Variants in AKAP6 observed in about 807,000 individuals in gnomAD.
AKAP6 encodes the protein A-kinase anchor protein 6.
AKAP6 carries 58 observed loss-of-function variants against 188.5 expected under a neutral mutation model. That is an observed-to-expected ratio of 0.31 (90% CI 0.25 to 0.38). The LOEUF (loss-of-function observed/expected upper bound fraction) is 0.38, where lower values mean the gene tolerates loss of function less well. Ranked by LOEUF, AKAP6 falls within the 10% of genes least tolerant of loss-of-function variation. The probability of loss-of-function intolerance (pLI) is 1.00; values close to 1 mark genes in which losing one functional copy is unlikely to be tolerated. For synonymous variants in AKAP6, 989 were observed against 998.6 expected (o/e 0.99, Z 0.18); for missense variants, 2,710 against 2,740.0 (o/e 0.99, Z 0.24).
At chr14:32,559,025 T>C (rs1236549512) in intron 4 of AKAP6, among the ~76,000 whole-genome samples, 18 of 152,162 alleles carry the variant, frequency 1.2e-4, no homozygotes, top group Admixed American at 1.1e-3. Context: ...AAGGTGAATG[T>C]GAAGTTAGAA....
At chr14:32,675,181 C>T (rs1230624036) in intron 7 of AKAP6, among the ~76,000 whole-genome samples, 4 of 152,080 alleles carry the variant, frequency 2.6e-5, no homozygotes, top group Non-Finnish European at 1.5e-5. Context: ...CATATAAATC[C>T]AGCCGATTTC....
intron 5 of AKAP6, among the ~76,000 whole-genome samples, chr14:32,597,243 T>C (rs1369052684): frequency 6.6e-6 from 1 of 152,196 alleles, no homozygotes; most frequent in Non-Finnish European, 1.5e-5. Context: ...GACATAGACA[T>C]CATGCACCTC....
intron 4 of AKAP6, among the ~76,000 whole-genome samples, chr14:32,550,904 C>G (rs1883431592): frequency 6.6e-6 from 1 of 152,204 alleles, no homozygotes; most frequent in African/African-American, 2.4e-5. Flanking sequence ...TAACTGGTCT[C>G]TCTGCTTCTA....
chr14:32,653,114 A>C (rs1033080021), intron 7 of AKAP6, among the ~76,000 whole-genome samples: 1 of 152,160 alleles, frequency 6.6e-6, no homozygotes, highest in Non-Finnish European at 1.5e-5. Context: ...ACAACTTTGC[A>C]TGTCATAACA....
At chr14:32,697,118 CTTCT>C (rs1437705956) in intron 9 of AKAP6, among the ~76,000 whole-genome samples, 1 of 151,972 alleles carries the variant, frequency 6.6e-6, no homozygotes, top group Non-Finnish European at 1.5e-5. Flanking sequence ...TAAAAGTTGC[CTTCT>C]TTCTTCTTCA....
At chr14:32,531,890 G>A in intron 2 of AKAP6, among the ~76,000 whole-genome samples, 1 of 152,268 alleles carries the variant, frequency 6.6e-6, no homozygotes, top group Non-Finnish European at 1.5e-5. Context: ...ACACATTGAA[G>A]GACCACTTAC....
chr14:32,731,893 A>G (rs1193711638), intron 9 of AKAP6, among the ~76,000 whole-genome samples: 5 of 152,118 alleles, frequency 3.3e-5, no homozygotes, highest in East Asian at 1.9e-4. Flanking sequence ...ACAGTAATCA[A>G]TAAAGAAGCA....
At chr14:32,735,546 C>CTGTGGG in intron 10 of AKAP6, 112 bp from the exon 11 acceptor site, 1 of 760,962 alleles carries the variant, frequency 1.3e-6, no homozygotes, top group Non-Finnish European at 2.1e-6. Flanking sequence ...ACCAACAAAA[C>CTGTGGG]TGTGGTGTGT....
At chr14:32,603,136 A>T (rs1242338188) in intron 7 of AKAP6, among the ~76,000 whole-genome samples, 1 of 152,102 alleles carries the variant, frequency 6.6e-6, no homozygotes, top group Non-Finnish European at 1.5e-5. Context: ...TTAGAAAGGG[A>T]GAAGTGTGCA....
At position 32,545,230 on chromosome 14, in the gene AKAP6, G is replaced by T; in HGVS notation, c.577G>T (p.Gly193Cys). Residue 193 changes from glycine (G) to cysteine (C), a missense_variant and splice_region_variant, in exon 4 of 14, where the codon GGC becomes TGC. By Grantham distance (159) the Gly-to-Cys change is radical. This residue lies in a region of AKAP6 where 237 missense variants were observed against 313.9 expected (regional missense o/e 0.76). Transcript: ENST00000280979. Reference protein sequence around the residue: ...LQAFSEETKEGRLDSLTEVDD... With the variant: ...LQAFSEETKECRLDSLTEVDD... ...AAACCATTGCCATTGTCTGTTTCAGGGCCGGCTTGATTCTCTAACAGAAGT... is the reference window on the plus strand; with the variant it reads ...AAACCATTGCCATTGTCTGTTTCAGTGCCGGCTTGATTCTCTAACAGAAGT... 3 of 1,610,622 alleles carry T rather than the reference G, an allele frequency of 1.9e-6. No homozygotes were observed. Among genetic ancestry groups the T allele is most frequent in the Non-Finnish European group, 2.5e-6 (3 of 1,177,362 alleles).
chr14:32,423,817 A>G (rs1376139913), intron 1 of AKAP6, among the ~76,000 whole-genome samples: 1 of 152,188 alleles, frequency 6.6e-6, no homozygotes, highest in Non-Finnish European at 1.5e-5. Context: ...ACAAGAAAAA[A>G]AGTAGAAACA....
chr14:32,723,715 C>CAA (rs2030691034), intron 9 of AKAP6, among the ~76,000 whole-genome samples: 5 of 152,116 alleles, frequency 3.3e-5, no homozygotes, highest in African/African-American at 1.2e-4. Context: ...TATGCTCTCC[C>CAA]ATCCTCCACA....
At chr14:32,636,789 A>C (rs1887511936) in intron 7 of AKAP6, among the ~76,000 whole-genome samples, 1 of 152,144 alleles carries the variant, frequency 6.6e-6, no homozygotes, top group Non-Finnish European at 1.5e-5. Flanking sequence ...AGATGAGGCC[A>C]GGAGGCAAGA....
intron 12 of AKAP6, among the ~76,000 whole-genome samples, chr14:32,806,645 C>A (rs2034096465): frequency 6.6e-6 from 1 of 151,956 alleles, no homozygotes; most frequent in South Asian, 2.1e-4. Flanking sequence ...CCACTACACT[C>A]CAGCCCGGGC....
At chr14:32,364,805 A>T (rs1887777321) in intron 1 of AKAP6, among the ~76,000 whole-genome samples, 1 of 152,198 alleles carries the variant, frequency 6.6e-6, no homozygotes. Flanking sequence ...ACAATTGACA[A>T]CATGAACAGC....
chr14:32,572,899 C>T (rs929151265), intron 4 of AKAP6, among the ~76,000 whole-genome samples: 2 of 152,120 alleles, frequency 1.3e-5, no homozygotes, highest in African/African-American at 4.8e-5. Flanking sequence ...AACCACTGTT[C>T]CATTTTCTTC....
chr14:32,352,970 A>G (rs947795448), intron 1 of AKAP6, among the ~76,000 whole-genome samples: 15 of 152,226 alleles, frequency 9.9e-5, no homozygotes, highest in Non-Finnish European at 2.2e-4. Flanking sequence ...AGGAACTTCC[A>G]TACTGTTTTC....
chr14:32,537,779 T>C (rs2139123683), intron 3 of AKAP6, among the ~76,000 whole-genome samples: 1 of 152,354 alleles, frequency 6.6e-6, no homozygotes, highest in South Asian at 2.1e-4. Flanking sequence ...ATTATTGTTC[T>C]GTGGAATACA....
intron 1 of AKAP6, among the ~76,000 whole-genome samples, chr14:32,400,124 A>G (rs1275953143): frequency 2.6e-5 from 4 of 151,998 alleles, no homozygotes; most frequent in East Asian, 3.9e-4. Flanking sequence ...TCAAACCCAC[A>G]TGAGGGCAGG....
Sources: allele counts gnomAD v4.1 joint callset (sites outside exome capture counted in the v4.1 genomes callset), GRCh38; gene constraint gnomAD v4.1.1; regional missense constraint gnomAD v4.1.1; transcripts MANE v1.5; gene names NCBI Gene and HGNC (gene_info 2026-07-23, HGNC 2026-07-21).